The following GAS7 variants were observed in gnomAD, a reference collection of about 807,000 sequenced individuals.
GAS7 encodes the protein growth arrest specific 7.
A neutral mutation model predicts 71.1 loss-of-function variants in GAS7; 28 were observed. The ratio of observed to expected loss-of-function variants is 0.39; its 90% CI spans 0.29 to 0.54. The LOEUF (loss-of-function observed/expected upper bound fraction) is 0.54, where lower values mean the gene tolerates loss of function less well. Among genes scored for constraint, GAS7 ranks in the 20% least tolerant of loss-of-function variants. GAS7 has a pLI of 0.62. For missense variants in GAS7, 436 were observed against 627.8 expected (o/e 0.69, Z 3.27); for synonymous variants, 258 against 245.8 (o/e 1.05, Z -0.46).
At chr17:9,945,401 G>A (rs78878692) in intron 6 of GAS7, among the ~76,000 whole-genome samples, 2 of 151,730 alleles carry the variant, frequency 1.3e-5, no homozygotes, top group Admixed American at 1.3e-4. Flanking sequence ...AAAGTCTTAC[G>A]CACTCTGATG....
intron 2 of GAS7, among the ~76,000 whole-genome samples, chr17:9,987,909 G>A (rs1410016477): frequency 6.6e-6 from 1 of 152,228 alleles, no homozygotes; most frequent in African/African-American, 2.4e-5. Context: ...ATGGTGACTG[G>A]CCATGGGCCC....
At chr17:10,057,971 CAT>C (rs1445342137) in intron 1 of GAS7, among the ~76,000 whole-genome samples, 1 of 152,230 alleles carries the variant, frequency 6.6e-6, no homozygotes, top group Admixed American at 6.5e-5. Context: ...CTCTCTGAAA[CAT>C]GTGCTGTGTC....
At chr17:10,048,275 G>A (rs35034677) in intron 1 of GAS7, among the ~76,000 whole-genome samples, 11,616 of 152,224 alleles carry the variant, frequency 0.076, 892 homozygotes, top group African/African-American at 0.2. Context: ...GCAACCTCGC[G>A]CCATTGCAGT....
intron 1 of GAS7, among the ~76,000 whole-genome samples, chr17:10,037,326 C>T (rs2072773046): frequency 6.6e-6 from 1 of 152,190 alleles, no homozygotes; most frequent in Non-Finnish European, 1.5e-5. Flanking sequence ...TGAATATATC[C>T]TATCACTCCG....
Position 9,915,293 on chromosome 17 carries a change from G to A in GAS7, c.*1935C>T, listed in dbSNP as rs540851809. 8.7e-6 allele frequency: 2 copies of A among 230,756 alleles called. No individual in the cohort carries two copies. Among genetic ancestry groups the A allele is most frequent in the East Asian group, 6.2e-5 (1 of 16,158 alleles). 14.3% of individuals were successfully genotyped at this position (230,756 alleles called of 1,614,324 possible). A position where few individuals can be genotyped will look rare whatever the true frequency, so the allele number is the denominator to read the frequency against. ...TGTTAATAACAAGGCTATTGGCTTTGAATGTTTGGAAATCATCCACAGAGT... is the reference window on the plus strand; with the variant it reads ...TGTTAATAACAAGGCTATTGGCTTTAAATGTTTGGAAATCATCCACAGAGT... On this transcript the variant is annotated 3_prime_UTR_variant, in exon 14 of 14. Transcript: ENST00000432992.
chr17:10,086,220 T>C (rs2073517996), intron 1 of GAS7, among the ~76,000 whole-genome samples: 2 of 152,188 alleles, frequency 1.3e-5, no homozygotes, highest in South Asian at 4.1e-4. Flanking sequence ...TGAATACATG[T>C]TCGTGTTCCC....
chr17:9,998,435 C>A (rs1225825508), intron 2 of GAS7, among the ~76,000 whole-genome samples: 1 of 152,032 alleles, frequency 6.6e-6, no homozygotes, highest in Non-Finnish European at 1.5e-5. Context: ...CCACTTCTGC[C>A]AAATGGCTGC....
At chr17:10,028,685 A>C (rs1235441318) in intron 1 of GAS7, among the ~76,000 whole-genome samples, 1 of 150,518 alleles carries the variant, frequency 6.6e-6, no homozygotes, top group Non-Finnish European at 1.5e-5. Context: ...GTTGGTTTGA[A>C]AAAAAAAAAC....
chr17:10,008,376 T>C lies in GAS7; in HGVS notation c.304+11401A>G, dbSNP rs1223441925. Among the ~76,000 whole-genome samples the C allele has an allele frequency of 3.3e-5, 5 of 152,300 alleles. No homozygotes were observed. The East Asian group carries it at 7.7e-4, about 23-fold the overall frequency. On this transcript the variant is annotated intron_variant, in intron 2 of 13. Coordinates refer to ENST00000432992, the MANE Select transcript of GAS7 (RefSeq NM_201433.2). Reference sequence around the variant, plus strand: ...ATCACTGACTCCAGCTAACAGACAGTGAGGAACGCTCTCACACTGTTTACC... The same window carrying C: ...ATCACTGACTCCAGCTAACAGACAGCGAGGAACGCTCTCACACTGTTTACC...
chr17:10,092,577 CTT>C (rs898135434), intron 1 of GAS7, among the ~76,000 whole-genome samples: 7 of 152,240 alleles, frequency 4.6e-5, no homozygotes, highest in Non-Finnish European at 5.9e-5. Flanking sequence ...AACAGGTTGA[CTT>C]TGACAAGTGC....
chr17:9,933,004 C>T (rs1486485193), intron 9 of GAS7, among the ~76,000 whole-genome samples: 1 of 152,064 alleles, frequency 6.6e-6, no homozygotes, highest in Non-Finnish European at 1.5e-5. Flanking sequence ...AACCCCATCT[C>T]TACTAAAAAT....
chr17:9,970,880 A>C (rs1050138518), intron 3 of GAS7, among the ~76,000 whole-genome samples: 1 of 152,114 alleles, frequency 6.6e-6, no homozygotes, highest in Non-Finnish European at 1.5e-5. Flanking sequence ...ACGAATTCAC[A>C]CTGGGACCCA....
intron 1 of GAS7, among the ~76,000 whole-genome samples, chr17:10,069,215 G>A (rs544633784): frequency 1.4e-4 from 21 of 152,266 alleles, no homozygotes; most frequent in African/African-American, 2.6e-4. Context: ...AGGGCTCCCC[G>A]GCCTGCTACG....
At chr17:10,037,540 C>T (rs952446082) in intron 1 of GAS7, among the ~76,000 whole-genome samples, 15 of 152,108 alleles carry the variant, frequency 9.9e-5, no homozygotes. Flanking sequence ...GAAGAGGTTT[C>T]AATGCCAGCT....
intron 2 of GAS7, among the ~76,000 whole-genome samples, chr17:9,991,471 C>T (rs2070840767): frequency 2.0e-5 from 3 of 152,308 alleles, no homozygotes; most frequent in South Asian, 4.2e-4. Context: ...GAAGCAGAGG[C>T]CCCGTCAGTG....
At chr17:10,143,351 G>T (rs2074098320) in intron 1 of GAS7, among the ~76,000 whole-genome samples, 1 of 152,028 alleles carries the variant, frequency 6.6e-6, no homozygotes, top group Non-Finnish European at 1.5e-5. Flanking sequence ...GACCAGCCTG[G>T]CCAACATGGT....
intron 5 of GAS7, among the ~76,000 whole-genome samples, chr17:9,953,571 C>G (rs905116841): frequency 1.5e-4 from 23 of 152,346 alleles, no homozygotes; most frequent in Non-Finnish European, 2.9e-4. Context: ...CTGAGGATCA[C>G]AGAAGCGAGG....
At chr17:10,042,780 T>G (rs12602030) in intron 1 of GAS7, among the ~76,000 whole-genome samples, 38,486 of 152,038 alleles carry the variant, frequency 0.25, 6,448 homozygotes, top group African/African-American at 0.48. Flanking sequence ...AGGGCTTGAC[T>G]GGAGCCCGAG....
rs1262053122 is a variant in GAS7, at chr17:10,005,346, C to CATAT, written c.304+14427_304+14430dup. ...ATATATATACACACACACACACACA[C>CATAT]ATATATATATATATCTTCCTGACTT... On this transcript the variant is annotated intron_variant, in intron 2 of 13. Coordinates refer to ENST00000432992, the MANE Select transcript of GAS7 (RefSeq NM_201433.2). Among the ~76,000 whole-genome samples the CATAT allele has an allele frequency of 4.0e-5, 6 of 149,768 alleles. No individual in the cohort carries two copies. In the East Asian group the frequency reaches 9.8e-4, roughly 24 times the overall value.
Sources: allele counts gnomAD v4.1 joint callset (sites outside exome capture counted in the v4.1 genomes callset), GRCh38; gene constraint gnomAD v4.1.1; transcripts MANE v1.5; gene names NCBI Gene and HGNC (gene_info 2026-07-23, HGNC 2026-07-21).